PALLD: variants seen among roughly 807,000 people sequenced by gnomAD.
PALLD encodes palladin.
PALLD carries 61 observed loss-of-function variants against 123.5 expected under a neutral mutation model. The observed-to-expected ratio is 0.49, with a 90% CI of 0.40 to 0.61. PALLD has a LOEUF of 0.61. PALLD is among the 20% of genes least tolerant of loss of function. The pLI is 0.00. For synonymous variants in PALLD, 465 were observed against 496.4 expected, an observed-to-expected ratio of 0.94 and a Z score of 0.84; for missense variants, 1,273 against 1,377.0, an observed-to-expected ratio of 0.92 and a Z score of 1.20.
intron 2 of PALLD, among the ~76,000 whole-genome samples, chr4:168,587,708 T>C: frequency 6.6e-6 from 1 of 152,150 alleles, no homozygotes. Context: ...CCAGTGCTAC[T>C]AAGACTAAGG....
At chr4:168,599,081 C>G (rs961806405) in intron 2 of PALLD, among the ~76,000 whole-genome samples, 2 of 152,130 alleles carry the variant, frequency 1.3e-5, no homozygotes, top group African/African-American at 4.8e-5. Flanking sequence ...TTCTCCAAGC[C>G]TGATCCCCAA....
rs565812199 is a variant in PALLD at position 168,630,699 on chromosome 4, T to C, written c.909-37491T>C. Among the ~76,000 whole-genome samples the C allele has an allele frequency of 1.2e-4, 19 of 152,288 alleles. No individual in the cohort carries two copies. In the South Asian group the frequency reaches 3.9e-3, roughly 32 times the overall value. On this transcript the variant is annotated intron_variant, in intron 2 of 21. Coordinates refer to ENST00000505667, the MANE Select transcript of PALLD (RefSeq NM_001166108.2). ...AATAGCTTCATGGGTCCCTCATGAGTTTCTTCCTTAAATTTTCAAACGGTT... is the reference window on the plus strand; with the variant it reads ...AATAGCTTCATGGGTCCCTCATGAGCTTCTTCCTTAAATTTTCAAACGGTT...
At chr4:168,816,817 CGTGTGTGTGT>C (rs61010592) in intron 10 of PALLD, among the ~76,000 whole-genome samples, 34,821 of 110,748 alleles carry the variant, frequency 0.31, 5,758 homozygotes, top group Non-Finnish European at 0.37. Context: ...GAGCTAGCCC[CGTGTGTGTGT>C]GTGTGTGTGT....
chr4:168,807,277 G>GCACACACA (rs72123198), intron 10 of PALLD, among the ~76,000 whole-genome samples: 1 of 144,826 alleles, frequency 6.9e-6, no homozygotes, highest in Non-Finnish European at 1.5e-5. Context: ...ACACACACAC[G>GCACACACA]CACACACACA....
At chr4:168,628,363 C>T (rs772339129) in intron 2 of PALLD, among the ~76,000 whole-genome samples, 1 of 152,200 alleles carries the variant, frequency 6.6e-6, no homozygotes, top group Non-Finnish European at 1.5e-5. Context: ...CTGTCTGTTG[C>T]TCTGAGGGTA....
At chr4:168,862,848 C>A (rs1169527541) in intron 10 of PALLD, among the ~76,000 whole-genome samples, 1 of 152,170 alleles carries the variant, frequency 6.6e-6, no homozygotes, top group East Asian at 1.9e-4. Flanking sequence ...AGGAAGTCTT[C>A]CCATATCCCT....
At chr4:168,721,736 A>G (rs1302354404) in intron 10 of PALLD, among the ~76,000 whole-genome samples, 2 of 152,204 alleles carry the variant, frequency 1.3e-5, no homozygotes, top group Admixed American at 6.5e-5. Context: ...TTGTTAAATA[A>G]TAGTTGCTTG....
chr4:168,781,927 T>C (rs948764840), intron 10 of PALLD, among the ~76,000 whole-genome samples: 23 of 152,088 alleles, frequency 1.5e-4, no homozygotes, highest in African/African-American at 5.3e-4. Flanking sequence ...CTTCCTATCA[T>C]TGTTTTGATA....
At chr4:168,696,577 GA>G (rs1388717305) in intron 8 of PALLD, among the ~76,000 whole-genome samples, 2 of 151,838 alleles carry the variant, frequency 1.3e-5, no homozygotes, top group African/African-American at 4.8e-5. Flanking sequence ...GGAACTTTGA[GA>G]AAATGGGTTT....
chr4:168,616,010 C>T (rs147658278), intron 2 of PALLD, among the ~76,000 whole-genome samples: 65 of 152,026 alleles, frequency 4.3e-4, no homozygotes, highest in African/African-American at 1.5e-3. Context: ...TTTTTTAAGC[C>T]ATCCTTGGGT....
Position 168,651,586 on chromosome 4 carries a change from T to TC in PALLD, c.909-16597dup, listed in dbSNP as rs545502663. Reference sequence around the variant, plus strand: ...CTCTGAAGATGGAACTCTTTTTTTTTCCCCCCCGCAAGGTTAGCTCTTTAG... The same window carrying TC: ...CTCTGAAGATGGAACTCTTTTTTTTTCCCCCCCCGCAAGGTTAGCTCTTTAG... On this transcript the variant is annotated intron_variant, in intron 2 of 21. Transcript: ENST00000505667. Among the ~76,000 whole-genome samples the TC allele has an allele frequency of 2.4e-3, 358 of 151,872 alleles. 2 individuals carry two copies. The highest frequency in any genetic ancestry group is 6.8e-3 in the African/African-American group (283 of 41,374).
At chr4:168,819,418 GCCC>G (rs1213772457) in intron 10 of PALLD, among the ~76,000 whole-genome samples, 3 of 151,824 alleles carry the variant, frequency 2.0e-5, no homozygotes, top group African/African-American at 7.3e-5. Flanking sequence ...GGCAGAGTCA[GCCC>G]AGGATTAAAC....
chr4:168,817,968 T>C (rs570251196), intron 10 of PALLD, among the ~76,000 whole-genome samples: 5 of 152,244 alleles, frequency 3.3e-5, no homozygotes, highest in Admixed American at 6.5e-5. Flanking sequence ...CCAGAAGAGT[T>C]TGGGTAGAGA....
intron 2 of PALLD, among the ~76,000 whole-genome samples, chr4:168,594,876 A>G (rs958048612): frequency 6.6e-6 from 1 of 152,190 alleles, no homozygotes; most frequent in African/African-American, 2.4e-5. Flanking sequence ...TAACATAACT[A>G]ACTCTATGTG....
At chr4:168,914,086 A>G (rs1191515043) in intron 16 of PALLD, 65 bp downstream of exon 16, 9 of 982,212 alleles carry the variant, frequency 9.2e-6, no homozygotes, top group African/African-American at 1.6e-5. Flanking sequence ...ATGTAGTACT[A>G]TTAGAATCAT....
intron 10 of PALLD, among the ~76,000 whole-genome samples, chr4:168,857,991 C>T (rs1014957285): frequency 6.6e-5 from 10 of 152,214 alleles, no homozygotes; most frequent in African/African-American, 2.2e-4. Flanking sequence ...TGAGCCTGTA[C>T]GTCACACACA....
At chr4:168,587,553 C>T (rs535176325) in intron 2 of PALLD, among the ~76,000 whole-genome samples, 3 of 152,194 alleles carry the variant, frequency 2.0e-5, no homozygotes, top group Non-Finnish European at 4.4e-5. Flanking sequence ...GATGTGAAGG[C>T]GGTTATGAAG....
chr4:168,585,991 C>A (rs931975063), intron 2 of PALLD, among the ~76,000 whole-genome samples: 11 of 151,968 alleles, frequency 7.2e-5, no homozygotes, highest in African/African-American at 2.7e-4. Context: ...TATTATAGGT[C>A]TATTAAGGTT....
Position 168,770,479 on chromosome 4 carries a change from C to T in PALLD, c.1964+58556C>T, listed in dbSNP as rs181713641. On this transcript the variant is annotated intron_variant, in intron 10 of 21. Transcript: ENST00000505667. Reference sequence around the variant, plus strand: ...GATGGGCCTGATACACAAGTGCTGGCGATCTTCAGGACAAACCCAATAAAA... The same window carrying T: ...GATGGGCCTGATACACAAGTGCTGGTGATCTTCAGGACAAACCCAATAAAA... 2.2e-3 allele frequency among the ~76,000 whole-genome samples: 340 copies of T among 152,270 alleles called. 1 individual carries two copies. The highest frequency in any genetic ancestry group is 0.014 in the Middle Eastern group (4 of 294).
Sources: gnomAD v4.1 joint callset for allele counts (sites outside exome capture counted in the v4.1 genomes callset) on GRCh38, gnomAD v4.1.1 for gene constraint, MANE v1.5 for transcripts, NCBI Gene and HGNC (gene_info 2026-07-23, HGNC 2026-07-21) for gene names.